Variants in IL1RAPL1 observed in about 807,000 individuals in gnomAD.
The protein encoded by IL1RAPL1 is interleukin-1 receptor accessory protein-like 1.
IL1RAPL1 carries 3 observed loss-of-function variants against 48.4 expected under a neutral mutation model. That is an observed-to-expected ratio of 0.06 (90% CI 0.03 to 0.16). IL1RAPL1 has a LOEUF of 0.16. Among genes scored for constraint, IL1RAPL1 ranks in the 10% least tolerant of loss-of-function variants. The probability of loss-of-function intolerance (pLI) is 1.00; values close to 1 mark genes in which losing one functional copy is unlikely to be tolerated. For missense variants in IL1RAPL1, 349 were observed against 530.6 expected, an observed-to-expected ratio of 0.66 and a Z score of 3.36; for synonymous variants, 185 against 187.7, an observed-to-expected ratio of 0.99 and a Z score of 0.12.
intron 5 of IL1RAPL1, among the ~76,000 whole-genome samples, chrX:29,653,900 T>TTTTA (rs1925591003): frequency 2.8e-5 from 2 of 71,168 alleles, no homozygotes; most frequent in African/African-American, 9.2e-5. Flanking sequence ...AAATTAGGGC[T>TTTTA]CTTATTTATT....
intron 6 of IL1RAPL1, among the ~76,000 whole-genome samples, chrX:29,769,892 G>A (rs56992765): frequency 0.1 from 11,284 of 109,981 alleles, 980 homozygotes; most frequent in East Asian, 0.29. Flanking sequence ...TGGGATTACA[G>A]GCGTGAGACA....
intron 6 of IL1RAPL1, among the ~76,000 whole-genome samples, chrX:29,721,463 G>C (rs929521643): frequency 9.0e-6 from 1 of 110,869 alleles, no homozygotes; most frequent in African/African-American, 3.3e-5. Context: ...AATCATTGTT[G>C]AGTATTTTCT....
chrX:29,829,155 T>TAC (rs57560936), intron 6 of IL1RAPL1, among the ~76,000 whole-genome samples: 1,398 of 61,854 alleles, frequency 0.023, 20 homozygotes, highest in Middle Eastern at 0.03. Context: ...GACAAAAACC[T>TAC]ACACACACAC....
chrX:29,121,681 T>C (rs1315667122), intron 2 of IL1RAPL1, among the ~76,000 whole-genome samples: 1 of 111,964 alleles, frequency 8.9e-6, no homozygotes, highest in African/African-American at 3.2e-5. Flanking sequence ...CCTTAAGGAC[T>C]CATGTGATTC....
chrX:28,779,793 A>G (rs1400700233), intron 1 of IL1RAPL1, among the ~76,000 whole-genome samples: 1 of 105,525 alleles, frequency 9.5e-6, no homozygotes, highest in East Asian at 3.0e-4. Context: ...ACTTGATTTT[A>G]ATAAATGAAT....
chrX:29,952,991 C>G (rs1173498210), intron 9 of IL1RAPL1, among the ~76,000 whole-genome samples: 1 of 111,640 alleles, frequency 9.0e-6, no homozygotes, highest in African/African-American at 3.3e-5. Context: ...AATTATCAGA[C>G]TACTAGAATT....
At chrX:29,056,251 T>G in intron 2 of IL1RAPL1, among the ~76,000 whole-genome samples, 1 of 111,506 alleles carries the variant, frequency 9.0e-6, no homozygotes, top group Non-Finnish European at 1.9e-5. Context: ...ATTTTCAAGT[T>G]TGTACCTGAG....
At chrX:29,396,466 A>G (rs748031779) in intron 4 of IL1RAPL1, 22 bp downstream of exon 4, 3 of 1,169,680 alleles carry the variant, frequency 2.6e-6, no homozygotes, top group East Asian at 3.0e-5. Context: ...GGGTGGTTCT[A>G]TTTCCTATTA....
intron 5 of IL1RAPL1, among the ~76,000 whole-genome samples, chrX:29,599,068 A>T: frequency 8.9e-6 from 1 of 111,754 alleles, no homozygotes; most frequent in East Asian, 2.8e-4. Flanking sequence ...TATTCTATTC[A>T]TTGTGCTGTT....
intron 9 of IL1RAPL1, among the ~76,000 whole-genome samples, chrX:29,944,394 C>CAG (rs201660747): frequency 0.016 from 1,753 of 111,737 alleles, 38 homozygotes; most frequent in African/African-American, 0.054. Context: ...CTAGAACTTC[C>CAG]AGACACTGTT....
chrX:29,353,916 T>A (rs933761176), intron 3 of IL1RAPL1, among the ~76,000 whole-genome samples: 5 of 109,259 alleles, frequency 4.6e-5, no homozygotes. Flanking sequence ...GGTAAGTGTT[T>A]TGTGTTTTGC....
At chrX:29,828,906 A>T (rs1442354306) in intron 6 of IL1RAPL1, among the ~76,000 whole-genome samples, 2 of 109,438 alleles carry the variant, frequency 1.8e-5, no homozygotes, top group African/African-American at 6.7e-5. Context: ...GGGGGAAAAA[A>T]AGAGGAGGTG....
At chrX:28,705,789 C>A (rs919139806) in intron 1 of IL1RAPL1, among the ~76,000 whole-genome samples, 6 of 111,852 alleles carry the variant, frequency 5.4e-5, no homozygotes, top group Non-Finnish European at 1.1e-4. Context: ...AAAGGCCCAA[C>A]ATGGACCACT....
At chrX:28,847,626 C>T (rs1358273176) in intron 2 of IL1RAPL1, among the ~76,000 whole-genome samples, 2 of 110,579 alleles carry the variant, frequency 1.8e-5, no homozygotes, top group Non-Finnish European at 3.8e-5. Flanking sequence ...TCAGACACAC[C>T]CCCTCCCACG....
chrX:29,233,912 C>T (rs1393980432), intron 2 of IL1RAPL1, among the ~76,000 whole-genome samples: 1 of 112,177 alleles, frequency 8.9e-6, no homozygotes, highest in Non-Finnish European at 1.9e-5. Flanking sequence ...ATGTTGTAAG[C>T]GGGCCCATGA....
intron 6 of IL1RAPL1, among the ~76,000 whole-genome samples, chrX:29,902,091 TTC>T (rs1320993581): frequency 9.0e-6 from 1 of 111,551 alleles, no homozygotes; most frequent in Non-Finnish European, 1.9e-5. Flanking sequence ...CACCAGGAGT[TTC>T]TGAGTAGCCT....
intron 5 of IL1RAPL1, among the ~76,000 whole-genome samples, chrX:29,637,299 T>TAC (rs1555909502): frequency 7.5e-5 from 8 of 106,356 alleles, no homozygotes; most frequent in South Asian, 4.0e-4. Context: ...TATATATATA[T>TAC]ACACATCAAA....
At chrX:28,960,874 G>C (rs1016698477) in intron 2 of IL1RAPL1, among the ~76,000 whole-genome samples, 1 of 109,215 alleles carries the variant, frequency 9.2e-6, no homozygotes, top group Non-Finnish European at 1.9e-5. Flanking sequence ...GCCAGGCGTG[G>C]TGGCGGGCGC....
intron 1 of IL1RAPL1, among the ~76,000 whole-genome samples, chrX:28,623,121 C>A (rs953749827): frequency 2.7e-5 from 3 of 110,506 alleles, no homozygotes; most frequent in Non-Finnish European, 5.7e-5. Context: ...ATATATCTCT[C>A]TATATATACC....
Sources: gnomAD v4.1 joint callset for allele counts (sites outside exome capture counted in the v4.1 genomes callset) on GRCh38, gnomAD v4.1.1 for gene constraint, MANE v1.5 for transcripts, NCBI Gene and HGNC (gene_info 2026-07-23, HGNC 2026-07-21) for gene names.